The following GDAP1 variants were observed in gnomAD, a reference collection of about 807,000 sequenced individuals.
GDAP1 encodes ganglioside induced differentiation associated protein 1.
Under a neutral mutation model 40.1 loss-of-function variants are expected in GDAP1, and 34 were observed. That is an observed-to-expected ratio of 0.85 (90% CI 0.64 to 1.13). The LOEUF is 1.13. Ranked by LOEUF, GDAP1 falls within the 50% of genes most tolerant of loss-of-function variation. The pLI is 0.00. For missense variants in GDAP1, 374 were observed against 433.7 expected, an observed-to-expected ratio of 0.86 and a Z score of 1.22; for synonymous variants, 170 against 157.4, an observed-to-expected ratio of 1.08 and a Z score of -0.60.
chr8:74,350,610 C>G, intron 1 of GDAP1, 32 bp downstream of exon 1: 1 of 1,304,174 alleles, frequency 7.7e-7, no homozygotes, highest in Non-Finnish European at 1.1e-6. Flanking sequence ...GAGGGTGGCG[C>G]GGATCGGGCT....
chr8:74,465,271 T>C (rs1586843056), intron 2 of GDAP1, among the ~76,000 whole-genome samples: 1 of 152,134 alleles, frequency 6.6e-6, no homozygotes. Context: ...CGTGCTATTC[T>C]GCCTGAAACT....
chr8:74,400,511 G>T (rs1478563161), intron 2 of GDAP1, among the ~76,000 whole-genome samples: 1 of 149,840 alleles, frequency 6.7e-6, no homozygotes, highest in African/African-American at 2.5e-5. Context: ...TATCCAGTTT[G>T]CCAGTCTGTG....
downstream of GDAP1, among the ~76,000 whole-genome samples, chr8:74,369,583 G>A (rs1026450260): frequency 3.9e-5 from 6 of 151,960 alleles, no homozygotes; most frequent in Admixed American, 6.6e-5. Flanking sequence ...TGTTACGGGA[G>A]TTCTAAAAAG....
chr8:74,439,217 C>T (rs1376497436), intron 2 of GDAP1, among the ~76,000 whole-genome samples: 1 of 151,768 alleles, frequency 6.6e-6, no homozygotes, highest in Non-Finnish European at 1.5e-5. Context: ...CATATATATA[C>T]ATGTTATATA....
intron 2 of GDAP1, among the ~76,000 whole-genome samples, chr8:74,485,540 T>A (rs750836781): frequency 6.6e-6 from 1 of 152,124 alleles, no homozygotes; most frequent in Non-Finnish European, 1.5e-5. Context: ...TAGAGAGCAA[T>A]ACAAGATCCG....
intron 2 of GDAP1, among the ~76,000 whole-genome samples, chr8:74,426,444 G>A (rs781456162): frequency 2.6e-5 from 4 of 152,130 alleles, no homozygotes; most frequent in East Asian, 1.9e-4. Context: ...GATCCAGTCC[G>A]GGATACAACA....
At chr8:74,462,424 G>GC (rs765259142) in intron 2 of GDAP1, among the ~76,000 whole-genome samples, 1 of 152,192 alleles carries the variant, frequency 6.6e-6, no homozygotes, top group Non-Finnish European at 1.5e-5. Flanking sequence ...TATTGTCTGA[G>GC]CTGTTTTCAT....
chr8:74,484,940 C>T (rs1806757702), intron 2 of GDAP1, among the ~76,000 whole-genome samples: 1 of 152,092 alleles, frequency 6.6e-6, no homozygotes, highest in Non-Finnish European at 1.5e-5. Context: ...ACTGTGGTAA[C>T]CATTGCCCAA....
At chr8:74,399,146 C>T (rs548417026) in intron 2 of GDAP1, among the ~76,000 whole-genome samples, 1 of 152,026 alleles carries the variant, frequency 6.6e-6, no homozygotes, top group East Asian at 1.9e-4. Context: ...CCTTGTACCT[C>T]TGGTTGAATT....
At chr8:74,418,889 A>G (rs991184981) in intron 2 of GDAP1, among the ~76,000 whole-genome samples, 4 of 152,244 alleles carry the variant, frequency 2.6e-5, no homozygotes, top group African/African-American at 9.6e-5. Flanking sequence ...CAGACATTTC[A>G]TCAAAGAGGA....
At chr8:74,352,086 T>C (rs551089373) in intron 2 of GDAP1, among the ~76,000 whole-genome samples, 1 of 152,360 alleles carries the variant, frequency 6.6e-6, no homozygotes, top group Admixed American at 6.5e-5. Flanking sequence ...GTAGACAAGT[T>C]ATTCCCATTA....
In GDAP1 at chr8:74,351,255, C is replaced by A. The variant is rs764139278; in HGVS notation, c.118-19C>A. 6.2e-7 allele frequency: 1 copy of A among 1,603,978 alleles called. No individual in the cohort carries two copies. The highest frequency in any genetic ancestry group is 2.2e-5 in the East Asian group (1 of 44,828). On this transcript the variant is annotated intron_variant, in intron 1 of 5. Transcript: ENST00000220822. ...TGAAAGCTTACATGTGTTGTAGTAA[C>A]CAGTGTGAACTCTTCCAGGTGCGCT...
intron 2 of GDAP1, among the ~76,000 whole-genome samples, chr8:74,477,795 C>T (rs773397280): frequency 5.3e-5 from 8 of 152,140 alleles, no homozygotes; most frequent in Non-Finnish European, 7.4e-5. Flanking sequence ...AAGGGCAGTG[C>T]AGTGCACTGC....
Position 74,478,456 on chromosome 8 carries a change from C to G in GDAP1, c.166-10222C>G, listed in dbSNP as rs536194910. ...CACTCTACCAGTCAGGTGTGGTCAG[C>G]CAGCACAGGAGCTATGATGTGGGCC... On this transcript the variant is annotated intron_variant, in intron 2 of 2. Transcript: ENST00000523640. Among the ~76,000 whole-genome samples the G allele has an allele frequency of 2.6e-5, 4 of 152,038 alleles. No homozygotes were observed. In the South Asian group the frequency reaches 8.3e-4, roughly 32 times the overall value.
intron 2 of GDAP1, among the ~76,000 whole-genome samples, chr8:74,392,876 A>T (rs1313086226): frequency 1.3e-5 from 2 of 152,232 alleles, no homozygotes; most frequent in African/African-American, 4.8e-5. Context: ...CCTGCTGCAG[A>T]TGAAGAACAC....
At chr8:74,374,581 C>G (rs777142227) in intron 2 of GDAP1, among the ~76,000 whole-genome samples, 1 of 151,892 alleles carries the variant, frequency 6.6e-6, no homozygotes, top group Non-Finnish European at 1.5e-5. Flanking sequence ...GAAAGACTAA[C>G]AAAATTGATA....
intron 2 of GDAP1, among the ~76,000 whole-genome samples, chr8:74,435,151 ATCT>A (rs1806072938): frequency 6.6e-6 from 1 of 152,238 alleles, no homozygotes; most frequent in Non-Finnish European, 1.5e-5. Flanking sequence ...CTTCTTAGAA[ATCT>A]TCTCTTTCAA....
chr8:74,352,817 C>A (rs879452188), intron 2 of GDAP1, among the ~76,000 whole-genome samples: 2 of 151,926 alleles, frequency 1.3e-5, no homozygotes, highest in Non-Finnish European at 2.9e-5. Context: ...ATTTGTATTT[C>A]TTGGGGGATG....
At chr8:74,438,525 A>G (rs755632347) in intron 2 of GDAP1, among the ~76,000 whole-genome samples, 9 of 152,152 alleles carry the variant, frequency 5.9e-5, no homozygotes, top group Non-Finnish European at 1.0e-4. Flanking sequence ...GTCTTTTTAT[A>G]TGTATATTGG....
Sources: allele counts gnomAD v4.1 joint callset (sites outside exome capture counted in the v4.1 genomes callset), GRCh38; gene constraint gnomAD v4.1.1; transcripts MANE v1.5; gene names NCBI Gene and HGNC (gene_info 2026-07-23, HGNC 2026-07-21).